Variants in PGM5 observed in about 807,000 individuals in gnomAD.
PGM5 encodes phosphoglucomutase-like protein 5.
Under a neutral mutation model 59.2 loss-of-function variants are expected in PGM5, and 23 were observed. The observed-to-expected ratio is 0.39, with a 90% CI of 0.28 to 0.55. The LOEUF (loss-of-function observed/expected upper bound fraction) is 0.55. Among genes scored for constraint, PGM5 ranks in the 20% least tolerant of loss-of-function variants. PGM5 has a pLI of 0.66. For missense variants in PGM5, 574 were observed against 748.3 expected, an observed-to-expected ratio of 0.77 and a Z score of 2.72; for synonymous variants, 214 against 286.0, an observed-to-expected ratio of 0.75 and a Z score of 2.54.
At chr9:68,505,742 C>T (rs1181775682) in intron 10 of PGM5, among the ~76,000 whole-genome samples, 1 of 152,132 alleles carries the variant, frequency 6.6e-6, no homozygotes, top group Non-Finnish European at 1.5e-5. Context: ...CTCTTCAAAC[C>T]CTGTTGCTGA....
Position 68,479,461 on chromosome 9 carries a change from G to T in PGM5, c.1203G>T (p.Leu401Phe). ...LREKDGLWAVLVWLSIIAARK... is the reference protein window; with the variant it reads ...LREKDGLWAVFVWLSIIAARK... Reference sequence around the variant, plus strand: ...AGAAGGATGGCCTGTGGGCTGTCTTGGTCTGGCTCTCCATTATTGCTGCCC... The same window carrying T: ...AGAAGGATGGCCTGTGGGCTGTCTTTGTCTGGCTCTCCATTATTGCTGCCC... The change falls in exon 8 of 11, where the codon TTG becomes TTT. Residue 401 changes from leucine to phenylalanine, a missense_variant. Transcript: ENST00000396396. The T allele has an allele frequency of 6.2e-7, 1 of 1,613,946 alleles. No individual in the cohort carries two copies. Among genetic ancestry groups the T allele is most frequent in the Middle Eastern group, 1.6e-4 (1 of 6,062 alleles).
chr9:68,511,892 G>C (rs1239636455), intron 10 of PGM5, among the ~76,000 whole-genome samples: 1 of 152,014 alleles, frequency 6.6e-6, no homozygotes. Context: ...GACCAAACTG[G>C]ATCTATGAGA....
chr9:68,476,853 C>T lies in PGM5; in HGVS notation c.1160-2565C>T, dbSNP rs189093246. On this transcript the variant is annotated intron_variant, in intron 7 of 10. Transcript: ENST00000396396. Reference sequence around the variant, plus strand: ...TCCCTCTAGCACTAAATTATGACATCTTATCTCACAGATTTAACAGCATCT... The same window carrying T: ...TCCCTCTAGCACTAAATTATGACATTTTATCTCACAGATTTAACAGCATCT... 6.6e-5 allele frequency among the ~76,000 whole-genome samples: 10 copies of T among 152,314 alleles called. No individual in the cohort carries two copies. In the East Asian group the frequency reaches 1.9e-3, roughly 29 times the overall value.
chr9:68,482,392 C>CT (rs1317586590), intron 8 of PGM5, among the ~76,000 whole-genome samples: 16 of 151,804 alleles, frequency 1.1e-4, no homozygotes, highest in African/African-American at 3.6e-4. Context: ...GAGGGAGTTC[C>CT]TTTTTTTTCC....
chr9:68,466,513 A>G, intron 7 of PGM5: 1 of 167,616 alleles, frequency 6.0e-6, no homozygotes, highest in Non-Finnish European at 1.3e-5. Context: ...TAGATCTCAT[A>G]AATTTTTATT....
At chr9:68,447,881 C>T (rs1321532917) in intron 6 of PGM5, among the ~76,000 whole-genome samples, 16 of 152,160 alleles carry the variant, frequency 1.1e-4, no homozygotes, top group Admixed American at 8.5e-4. Flanking sequence ...TATTTAATCT[C>T]TTGGTAATTC....
chr9:68,427,147 C>G (rs1182020468), intron 6 of PGM5, among the ~76,000 whole-genome samples: 10 of 152,084 alleles, frequency 6.6e-5, no homozygotes, highest in Non-Finnish European at 1.0e-4. Context: ...GCAAGCAGAG[C>G]CCCCCTGGCA....
At chr9:68,389,021 G>A (rs1218327631) in intron 4 of PGM5, among the ~76,000 whole-genome samples, 1 of 151,848 alleles carries the variant, frequency 6.6e-6, no homozygotes, top group Non-Finnish European at 1.5e-5. Context: ...CTACTGAATT[G>A]ATCCTTTAAT....
At chr9:68,413,639 T>G (rs545354090) in intron 6 of PGM5, among the ~76,000 whole-genome samples, 1 of 152,354 alleles carries the variant, frequency 6.6e-6, no homozygotes, top group East Asian at 1.9e-4. Context: ...CATTCTTATA[T>G]CAGTGCATCT....
chr9:68,376,022 G>A lies in PGM5; in HGVS notation c.262-2177G>A, dbSNP rs535392232. Among the ~76,000 whole-genome samples, 16 of 152,328 alleles carry A rather than the reference G, an allele frequency of 1.1e-4. No individual in the cohort carries two copies. In the South Asian group the frequency reaches 3.1e-3, roughly 30 times the overall value. ...GGAGGGCGGGAGGGCGATGGAGAAT[G>A]GTACATGATGGAGGTCAGATTATGT... is the stretch of plus-strand genomic sequence containing the variant. On this transcript the variant is annotated intron_variant, in intron 1 of 10. Coordinates refer to ENST00000396396, the MANE Select transcript of PGM5 (RefSeq NM_021965.4).
At position 68,381,619 on chromosome 9, in the gene PGM5, A is replaced by T. The variant is rs1428136718; in HGVS notation, c.425-2779A>T. Among the ~76,000 whole-genome samples, 8 of 149,080 alleles carry T rather than the reference A, an allele frequency of 5.4e-5. 1 individual carries two copies. The highest frequency in any genetic ancestry group is 2.0e-4 in the African/African-American group (8 of 39,184). On this transcript the variant is annotated intron_variant, in intron 2 of 10. Coordinates refer to ENST00000396396, the MANE Select transcript of PGM5 (RefSeq NM_021965.4). ...AGATGATATGATCCTATATATAGAGAATTCTAAAGATTCTACACATGCACA... is the reference window on the plus strand; with the variant it reads ...AGATGATATGATCCTATATATAGAGTATTCTAAAGATTCTACACATGCACA...
In PGM5 at chr9:68,479,447, C is replaced by T; in HGVS notation, c.1189C>T (p.Leu397=). 6.2e-7 allele frequency: 1 copy of T among 1,613,958 alleles called. No homozygotes were observed. Among genetic ancestry groups the T allele is most frequent in the South Asian group, 1.1e-5 (1 of 91,054 alleles). The change falls in exon 8 of 11, where the codon CTG becomes TTG. Residue 397 remains leucine (L), a synonymous_variant. Coordinates refer to ENST00000396396, the MANE Select transcript of PGM5 (RefSeq NM_021965.4). ...GSDHLREKDG[L]WAVLVWLSII... The stretch of plus-strand genomic sequence containing the variant: ...TGACCACCTCCGAGAGAAGGATGGC[C>T]TGTGGGCTGTCTTGGTCTGGCTCTC...
chr9:68,376,805 CTTTCTTTCTT>C (rs1320017020), intron 1 of PGM5, among the ~76,000 whole-genome samples: 4 of 115,764 alleles, frequency 3.5e-5, no homozygotes, highest in East Asian at 2.4e-4. Context: ...TTCTTTCTTT[CTTTCTTTCTT>C]TCTTTCTTTC....
At chr9:68,417,035 G>A (rs529756923) in intron 6 of PGM5, among the ~76,000 whole-genome samples, 4 of 152,304 alleles carry the variant, frequency 2.6e-5, no homozygotes, top group East Asian at 3.9e-4. Flanking sequence ...AAATACCAAC[G>A]GGAGGTGTGA....
chr9:68,492,499 A>G (rs891033232), intron 9 of PGM5, among the ~76,000 whole-genome samples: 20 of 152,180 alleles, frequency 1.3e-4, no homozygotes, highest in Non-Finnish European at 2.8e-4. Flanking sequence ...TTGGTTTTTA[A>G]AAGAGGCTGG....
chr9:68,524,001 T>A (rs1444534880), intron 10 of PGM5, among the ~76,000 whole-genome samples: 1 of 152,082 alleles, frequency 6.6e-6, no homozygotes, highest in East Asian at 1.9e-4. Flanking sequence ...GTTTTTTTTT[T>A]AATGGATCTA....
chr9:68,473,317 A>G (rs1358755979), intron 7 of PGM5, among the ~76,000 whole-genome samples: 3 of 152,240 alleles, frequency 2.0e-5, no homozygotes, highest in Non-Finnish European at 4.4e-5. Flanking sequence ...GAAAATTTGC[A>G]GCTTGTCCTT....
At chr9:68,371,230 C>T (rs1442385069) in intron 1 of PGM5, among the ~76,000 whole-genome samples, 188 of 152,324 alleles carry the variant, frequency 1.2e-3, no homozygotes, top group African/African-American at 3.9e-3. Flanking sequence ...GGACGTTCAG[C>T]GGGGAGCAAC....
At position 68,529,164 on chromosome 9, in the gene PGM5, CGTGTGTGTGTGT is replaced by C. The variant is rs3223716; in HGVS notation, c.1615-367_1615-356del. ...AGGATGAAGAATGAGCTTTTATTCT[CGTGTGTGTGTGT>C]GTGTGTGTGTGTGTGTGTGTGTGTG... On this transcript the variant is annotated intron_variant, in intron 10 of 10. Transcript: ENST00000396396. Among the ~76,000 whole-genome samples the C allele has an allele frequency of 1.1e-3, 148 of 131,950 alleles. No individual in the cohort carries two copies. The East Asian group carries it at 0.02, about 18-fold the overall frequency. The allele number at this position is 131,950 out of a possible 152,430, so 86.6% of individuals were successfully genotyped here. A position where few individuals can be genotyped will look rare whatever the true frequency, so the allele number is the denominator to read the frequency against.
Sources: allele counts gnomAD v4.1 joint callset (sites outside exome capture counted in the v4.1 genomes callset), GRCh38; gene constraint gnomAD v4.1.1; transcripts MANE v1.5; gene names NCBI Gene and HGNC (gene_info 2026-07-23, HGNC 2026-07-21).